RABGEF1: variants seen among roughly 807,000 people sequenced by gnomAD.
RABGEF1 encodes rab5 GDP/GTP exchange factor.
A neutral mutation model predicts 57.3 loss-of-function variants in RABGEF1; 26 were observed. The observed-to-expected ratio is 0.45, with a 90% CI of 0.33 to 0.63. RABGEF1 has a LOEUF of 0.63. Among genes scored for constraint, RABGEF1 ranks in the 20% least tolerant of loss-of-function variants. The probability of loss-of-function intolerance (pLI) is 0.02; values close to 1 mark genes in which losing one functional copy is unlikely to be tolerated. For missense variants in RABGEF1, 464 were observed against 607.6 expected, an observed-to-expected ratio of 0.76 and a Z score of 2.48; for synonymous variants, 185 against 210.7, an observed-to-expected ratio of 0.88 and a Z score of 1.06.
At chr7:66,676,868 G>A in the RABGEF1 span, among the ~76,000 whole-genome samples, 1 of 152,216 alleles carries the variant, frequency 6.6e-6, no homozygotes, top group East Asian at 1.9e-4. Flanking sequence ...AGCGGCATAA[G>A]CCATCACACC....
Position 66,809,360 on chromosome 7 carries a change from A to G in RABGEF1, c.*76A>G, listed in dbSNP as rs1288207492. 2 of 1,443,942 alleles carry G rather than the reference A, an allele frequency of 1.4e-6. No homozygotes were observed. The highest frequency in any genetic ancestry group is 1.9e-6 in the Non-Finnish European group (2 of 1,075,318). The allele number at this position is 1,443,942 out of a possible 1,614,324, so 89.4% of individuals were successfully genotyped here. On this transcript the variant is annotated 3_prime_UTR_variant, in exon 9 of 9. Coordinates refer to ENST00000284957, the MANE Select transcript of RABGEF1 (RefSeq NM_014504.3). ...TACTACACTCAACTGATTGGGATCT[A>G]GAATGTAACTAAATTGCTTATAAAT...
intron 6 of RABGEF1, among the ~76,000 whole-genome samples, chr7:66,798,216 G>T (rs1467887469): frequency 1.3e-5 from 2 of 152,172 alleles, no homozygotes; most frequent in African/African-American, 2.4e-5. Context: ...GCATTGGATT[G>T]ATGACATTTC....
intron 1 of RABGEF1, among the ~76,000 whole-genome samples, chr7:66,689,975 TGAA>T (rs1011407165): frequency 1.3e-5 from 2 of 152,122 alleles, no homozygotes; most frequent in Admixed American, 1.3e-4. Context: ...TTCAAAAACT[TGAA>T]GAGGAGGAAA....
chr7:66,742,705 G>C (rs2707822), intron 1 of RABGEF1, among the ~76,000 whole-genome samples: 76,267 of 151,868 alleles, frequency 0.5, 20,072 homozygotes, highest in East Asian at 0.74. Flanking sequence ...TGCCTGTGCT[G>C]AAGTGATCCT....
At chr7:66,657,060 G>C in the RABGEF1 span, among the ~76,000 whole-genome samples, 1 of 152,110 alleles carries the variant, frequency 6.6e-6, no homozygotes. Flanking sequence ...GATGATCATT[G>C]GAGACCTCAC....
chr7:66,804,038 G>T (rs1424659887), intron 7 of RABGEF1, among the ~76,000 whole-genome samples: 4 of 152,022 alleles, frequency 2.6e-5, no homozygotes, highest in Non-Finnish European at 5.9e-5. Flanking sequence ...CCACATGCTG[G>T]AGAGTTTGGC....
the RABGEF1 span, among the ~76,000 whole-genome samples, chr7:66,658,963 C>A: frequency 6.6e-6 from 1 of 152,024 alleles, no homozygotes; most frequent in African/African-American, 2.4e-5. Context: ...TCTCTATCTC[C>A]TGACCTCATG....
chr7:66,658,846 C>T, the RABGEF1 span, among the ~76,000 whole-genome samples: 1 of 152,090 alleles, frequency 6.6e-6, no homozygotes. Context: ...CGCCATTCTC[C>T]TGCCTCAGCC....
chr7:66,690,730 A>T (rs868739181), intron 1 of RABGEF1, among the ~76,000 whole-genome samples: 78 of 151,972 alleles, frequency 5.1e-4, no homozygotes, highest in Admixed American at 2.4e-3. Context: ...TAAATATTTT[A>T]AAAAATTAAA....
chr7:66,705,995 C>T (rs891195476), intron 1 of RABGEF1, among the ~76,000 whole-genome samples: 4 of 147,226 alleles, frequency 2.7e-5, no homozygotes, highest in Admixed American at 1.4e-4. Flanking sequence ...CTCCGCTTCC[C>T]GGGTTCACGC....
At chr7:66,749,341 A>C (rs569739604) in intron 1 of RABGEF1, among the ~76,000 whole-genome samples, 2 of 152,342 alleles carry the variant, frequency 1.3e-5, no homozygotes, top group East Asian at 3.9e-4. Flanking sequence ...ACAGTGGGTG[A>C]AACTGCCCTT....
intron 1 of RABGEF1, among the ~76,000 whole-genome samples, chr7:66,746,037 T>C (rs2129054666): frequency 6.6e-6 from 1 of 152,352 alleles, no homozygotes; most frequent in South Asian, 2.1e-4. Flanking sequence ...TAGAGCACTG[T>C]AGAAACATCA....
intron 1 of RABGEF1, among the ~76,000 whole-genome samples, chr7:66,705,579 C>G (rs928377341): frequency 6.6e-6 from 1 of 151,508 alleles, no homozygotes. Flanking sequence ...GCTTTATGTC[C>G]TGCAACCTTG....
At chr7:66,668,694 G>A in the RABGEF1 span, 1 of 152,332 alleles carries the variant, frequency 6.6e-6, no homozygotes, top group South Asian at 2.1e-4. Flanking sequence ...CCCCTGGCAA[G>A]AGAGGGACAT....
At chr7:66,751,025 T>A (rs980847961) in intron 1 of RABGEF1, among the ~76,000 whole-genome samples, 1 of 142,482 alleles carries the variant, frequency 7.0e-6, no homozygotes, top group African/African-American at 2.5e-5. Flanking sequence ...GTTTTCCCTC[T>A]TTTTTTCTTT....
intron 4 of RABGEF1, among the ~76,000 whole-genome samples, chr7:66,794,048 ACC>A (rs1375607122): frequency 1.3e-5 from 2 of 151,952 alleles, no homozygotes; most frequent in Non-Finnish European, 2.9e-5. Flanking sequence ...CATCTTTTGA[ACC>A]CTGAATTACA....
chr7:66,780,382 G>A (rs913919535), intron 3 of RABGEF1, among the ~76,000 whole-genome samples: 9 of 152,182 alleles, frequency 5.9e-5, no homozygotes, highest in African/African-American at 2.2e-4. Context: ...TTCCTCATTT[G>A]TAAATATTGT....
chr7:66,694,114 C>T (rs920472816), intron 1 of RABGEF1, among the ~76,000 whole-genome samples: 6 of 152,092 alleles, frequency 3.9e-5, no homozygotes, highest in South Asian at 2.1e-4. Context: ...CAGCCTTGTT[C>T]GGTAAATTCT....
At chr7:66,737,205 C>T (rs562661756), upstream of RABGEF1, among the ~76,000 whole-genome samples, 1 of 151,996 alleles carries the variant, frequency 6.6e-6, no homozygotes, top group East Asian at 1.9e-4. Context: ...GCTGGTATTA[C>T]AGTATTTATT....
Sources: gnomAD v4.1 joint callset for allele counts (sites outside exome capture counted in the v4.1 genomes callset) on GRCh38, gnomAD v4.1.1 for gene constraint, MANE v1.5 for transcripts, NCBI Gene and HGNC (gene_info 2026-07-23, HGNC 2026-07-21) for gene names.